Variants in GHR observed in about 807,000 individuals in gnomAD.
GHR encodes GH receptor.
A neutral mutation model predicts 67.1 loss-of-function variants in GHR; 35 were observed. The observed-to-expected ratio is 0.52, with a 90% CI of 0.40 to 0.69. GHR has a LOEUF of 0.69. Ranked by LOEUF, GHR falls within the 30% of genes least tolerant of loss-of-function variation. GHR has a pLI of 0.00. For synonymous variants in GHR, 272 were observed against 269.1 expected, an observed-to-expected ratio of 1.01 and a Z score of -0.10; for missense variants, 792 against 764.6, an observed-to-expected ratio of 1.04 and a Z score of -0.42.
intron 3 of GHR, among the ~76,000 whole-genome samples, chr5:42,664,128 T>C (rs1755821774): frequency 6.6e-6 from 1 of 152,218 alleles, no homozygotes; most frequent in African/African-American, 2.4e-5. Context: ...TCCATGCTCA[T>C]GGATAGGAAG....
chr5:42,636,017 T>C (rs1252085176), intron 3 of GHR, among the ~76,000 whole-genome samples: 1 of 151,938 alleles, frequency 6.6e-6, no homozygotes, highest in Non-Finnish European at 1.5e-5. Context: ...GAGACCATCA[T>C]GGCTAACACA....
chr5:42,562,850 C>T (rs937391528), intron 1 of GHR, among the ~76,000 whole-genome samples: 2 of 151,978 alleles, frequency 1.3e-5, no homozygotes, highest in African/African-American at 4.8e-5. Flanking sequence ...GGGGTTTCAC[C>T]ATGTTGGCCA....
At chr5:42,681,991 T>G (rs1435976564) in intron 3 of GHR, among the ~76,000 whole-genome samples, 2 of 150,006 alleles carry the variant, frequency 1.3e-5, no homozygotes, top group Admixed American at 6.6e-5. Context: ...GCAGCACTAT[T>G]CACAATAGCA....
At position 42,659,967 on chromosome 5, in the gene GHR, G is replaced by A. The variant is rs530395626; in HGVS notation, c.137-28923G>A. Among the ~76,000 whole-genome samples, 6 of 152,286 alleles carry A rather than the reference G, an allele frequency of 3.9e-5. No homozygotes were observed. In the East Asian group the frequency reaches 9.7e-4, roughly 25 times the overall value. ...CACCAGGAGATTATATCCCGCACCT[G>A]GCTCGGAGGGTCCTACGCCCACGGA... On this transcript the variant is annotated intron_variant, in intron 3 of 9. Transcript: ENST00000230882.
At chr5:42,561,356 G>T (rs533075762) in intron 1 of GHR, among the ~76,000 whole-genome samples, 1 of 152,242 alleles carries the variant, frequency 6.6e-6, no homozygotes, top group African/African-American at 2.4e-5. Flanking sequence ...AATCTCCATA[G>T]TGCCTTGCTC....
chr5:42,461,800 A>C (rs1035091342), intron 1 of GHR, among the ~76,000 whole-genome samples: 5 of 152,226 alleles, frequency 3.3e-5, no homozygotes, highest in Admixed American at 6.5e-5. Context: ...CTGCATGAAG[A>C]TTTAATCCAG....
At chr5:42,437,861 G>A (rs981561457) in intron 1 of GHR, among the ~76,000 whole-genome samples, 1 of 147,664 alleles carries the variant, frequency 6.8e-6, no homozygotes, top group African/African-American at 2.5e-5. Context: ...GAGCCATCCT[G>A]TCTTCTGAAA....
chr5:42,575,723 C>A (rs555348110), intron 2 of GHR, among the ~76,000 whole-genome samples: 3 of 150,966 alleles, frequency 2.0e-5, no homozygotes, highest in South Asian at 2.1e-4. Context: ...ACACATGAAG[C>A]CTGCATGTAA....
intron 2 of GHR, among the ~76,000 whole-genome samples, chr5:42,602,927 T>C (rs935353229): frequency 2.0e-5 from 3 of 152,192 alleles, no homozygotes; most frequent in Non-Finnish European, 4.4e-5. Flanking sequence ...ACCACTGTTA[T>C]AGTAATACAG....
chr5:42,562,752 G>A (rs1006037315), intron 1 of GHR, among the ~76,000 whole-genome samples: 12 of 147,326 alleles, frequency 8.1e-5, no homozygotes, highest in Admixed American at 2.8e-4. Context: ...CCTGGTTCAA[G>A]CGATTCTCCT....
At chr5:42,523,365 A>C (rs2112312540) in intron 1 of GHR, among the ~76,000 whole-genome samples, 1 of 152,322 alleles carries the variant, frequency 6.6e-6, no homozygotes, top group East Asian at 1.9e-4. Flanking sequence ...CAACCCTGTA[A>C]CGAGCAAGTC....
At chr5:42,503,397 G>A (rs1746623574) in intron 1 of GHR, among the ~76,000 whole-genome samples, 1 of 152,186 alleles carries the variant, frequency 6.6e-6, no homozygotes, top group Admixed American at 6.5e-5. Flanking sequence ...TGGGTGAAAG[G>A]CATGGGGCTG....
chr5:42,453,077 C>A (rs913808900), intron 1 of GHR, among the ~76,000 whole-genome samples: 3 of 150,326 alleles, frequency 2.0e-5, no homozygotes, highest in African/African-American at 7.3e-5. Context: ...CTTATTTTTT[C>A]TTTCTTAAGA....
intron 3 of GHR, among the ~76,000 whole-genome samples, chr5:42,675,089 T>C (rs1756505143): frequency 6.6e-6 from 1 of 152,250 alleles, no homozygotes; most frequent in South Asian, 2.1e-4. Context: ...CTTGACTGAA[T>C]TTAGTGCTAA....
intron 1 of GHR, among the ~76,000 whole-genome samples, chr5:42,560,860 A>T (rs1749566651): frequency 6.6e-6 from 1 of 152,186 alleles, no homozygotes; most frequent in Admixed American, 6.5e-5. Flanking sequence ...ATATCCAATC[A>T]TCACCAAATC....
intron 2 of GHR, among the ~76,000 whole-genome samples, chr5:42,590,704 A>G (rs1351000145): frequency 6.6e-6 from 1 of 152,154 alleles, no homozygotes; most frequent in Non-Finnish European, 1.5e-5. Flanking sequence ...TTAAAAAGAG[A>G]TCATCTTGAT....
At chr5:42,627,335 C>T (rs1381405753) in intron 2 of GHR, among the ~76,000 whole-genome samples, 2 of 151,964 alleles carry the variant, frequency 1.3e-5, no homozygotes, top group Non-Finnish European at 2.9e-5. Context: ...TGTGTCTAGG[C>T]GTGAGACCAA....
At chr5:42,698,366 A>G (rs544948233) in intron 5 of GHR, among the ~76,000 whole-genome samples, 88 of 152,324 alleles carry the variant, frequency 5.8e-4, no homozygotes, top group African/African-American at 1.9e-3. Context: ...TTCCATTAAA[A>G]ACAATTTTAT....
chr5:42,589,471 T>A (rs781555707), intron 2 of GHR, among the ~76,000 whole-genome samples: 39 of 152,222 alleles, frequency 2.6e-4, no homozygotes, highest in Admixed American at 4.6e-4. Context: ...CTGAGTGGAA[T>A]AATCTTTTTT....
Sources: gnomAD v4.1 joint callset for allele counts (sites outside exome capture counted in the v4.1 genomes callset) on GRCh38, gnomAD v4.1.1 for gene constraint, MANE v1.5 for transcripts, NCBI Gene and HGNC (gene_info 2026-07-23, HGNC 2026-07-21) for gene names.